Variants in LMBRD1 observed in about 807,000 individuals in gnomAD.
The protein encoded by LMBRD1 is LMBR1 domain containing 1, also known as lysosomal cobalamin transport escort protein LMBD1.
LMBRD1 carries 64 observed loss-of-function variants against 74.8 expected under a neutral mutation model. The ratio of observed to expected loss-of-function variants is 0.86; its 90% CI spans 0.70 to 1.05. The LOEUF is 1.05. Among genes scored for constraint, LMBRD1 ranks in the 50% least tolerant of loss-of-function variants. The probability of loss-of-function intolerance (pLI) is 0.00; values close to 1 mark genes in which losing one functional copy is unlikely to be tolerated. For synonymous variants in LMBRD1, 204 were observed against 216.3 expected (o/e 0.94, Z 0.50); for missense variants, 652 against 645.9 (o/e 1.01, Z -0.10).
chr6:69,784,521 G>A (rs917145290), intron 2 of LMBRD1, among the ~76,000 whole-genome samples: 5 of 152,160 alleles, frequency 3.3e-5, no homozygotes, highest in African/African-American at 1.2e-4. Flanking sequence ...GTATACTACA[G>A]GAATCTAGGA....
At chr6:69,784,062 C>T (rs1765893705) in intron 2 of LMBRD1, among the ~76,000 whole-genome samples, 1 of 152,184 alleles carries the variant, frequency 6.6e-6, no homozygotes, top group Non-Finnish European at 1.5e-5. Flanking sequence ...TTGGCTTTTA[C>T]ATACTCTCTT....
intron 14 of LMBRD1, among the ~76,000 whole-genome samples, chr6:69,684,013 T>C (rs1193596968): frequency 6.6e-6 from 1 of 151,990 alleles, no homozygotes; most frequent in Non-Finnish European, 1.5e-5. Context: ...TAAATGTGAA[T>C]GGATCATCAA....
At chr6:69,749,886 A>G (rs1003383820) in intron 4 of LMBRD1, among the ~76,000 whole-genome samples, 10 of 133,400 alleles carry the variant, frequency 7.5e-5, no homozygotes, top group Non-Finnish European at 1.4e-4. Context: ...ATATACACAT[A>G]TACATACTCA....
intron 5 of LMBRD1, among the ~76,000 whole-genome samples, chr6:69,748,398 A>T (rs984921105): frequency 1.3e-5 from 2 of 152,090 alleles, no homozygotes; most frequent in African/African-American, 2.4e-5. Context: ...AAAAACCACT[A>T]AAAAAAGTGC....
intron 14 of LMBRD1, among the ~76,000 whole-genome samples, chr6:69,690,678 C>G (rs753796074): frequency 1.3e-5 from 2 of 152,040 alleles, no homozygotes; most frequent in African/African-American, 2.4e-5. Flanking sequence ...GTAATGGATA[C>G]CACATTTGCC....
intron 1 of LMBRD1, among the ~76,000 whole-genome samples, chr6:69,795,724 C>T (rs1420086156): frequency 6.6e-6 from 1 of 152,182 alleles, no homozygotes; most frequent in Admixed American, 6.5e-5. Flanking sequence ...GTGTTTTTAT[C>T]TGTGACAGTG....
rs751282779 is a variant in LMBRD1 at position 69,741,858 on chromosome 6, C to G, written c.493G>C (p.Val165Leu). Residue 165 changes from valine to leucine, a missense_variant, in exon 6 of 16, where the codon GTT becomes CTT. Physicochemically the swap from Val to Leu is conservative, Grantham distance 32 (BLOSUM62 1). Coordinates refer to ENST00000649934, the MANE Select transcript of LMBRD1 (RefSeq NM_018368.4). ...LLVGAFVPLN[V>L]PNNKNSTEWE... is the part of the protein sequence containing the mutation. The stretch of plus-strand genomic sequence containing the variant: ...TCTGTAGAATTTTTGTTATTGGGAA[C>G]ATTCAATGGAACAAAGGCACTACAA... The G allele has an allele frequency of 2.5e-6, 4 of 1,599,690 alleles. No homozygotes were observed. Among genetic ancestry groups the G allele is most frequent in the Non-Finnish European group, 3.4e-6 (4 of 1,167,136 alleles).
At chr6:69,706,009 G>T in intron 9 of LMBRD1, 1 of 784,962 alleles carries the variant, frequency 1.3e-6, no homozygotes, top group Non-Finnish European at 2.2e-6. Flanking sequence ...TTTTCCATCA[G>T]CCCCTAAACT....
intron 1 of LMBRD1, among the ~76,000 whole-genome samples, chr6:69,792,950 C>T (rs984761718): frequency 2.0e-5 from 3 of 152,134 alleles, no homozygotes; most frequent in Admixed American, 2.0e-4. Context: ...GGTTTTAAAA[C>T]TGATAACCTT....
At chr6:69,736,128 A>G (rs1461669510) in intron 7 of LMBRD1, among the ~76,000 whole-genome samples, 1 of 152,092 alleles carries the variant, frequency 6.6e-6, no homozygotes, top group Non-Finnish European at 1.5e-5. Context: ...CCAATTGACC[A>G]CTGGGAGACA....
intron 6 of LMBRD1, 125 bp downstream of exon 6, chr6:69,741,664 C>T (rs747373342): frequency 6.7e-5 from 40 of 600,726 alleles, no homozygotes; most frequent in Non-Finnish European, 1.0e-4. Flanking sequence ...GCTAGGATTA[C>T]AGGCATGAGC....
intron 5 of LMBRD1, among the ~76,000 whole-genome samples, chr6:69,742,909 T>C (rs147439743): frequency 0.027 from 4,157 of 152,228 alleles, 82 homozygotes; most frequent in Non-Finnish European, 0.044. Flanking sequence ...CTATCTGCAT[T>C]GACTTCAGTT....
At chr6:69,749,492 C>A in intron 4 of LMBRD1, 84 bp from the exon 5 acceptor site, 1 of 1,013,954 alleles carries the variant, frequency 9.9e-7, no homozygotes, top group Non-Finnish European at 1.6e-6. Context: ...ACAGTACCTT[C>A]ACATCAGATA....
intron 1 of LMBRD1, chr6:69,790,674 T>G: frequency 3.4e-6 from 2 of 581,988 alleles, no homozygotes; most frequent in Non-Finnish European, 6.2e-6. Flanking sequence ...ACATCACGTA[T>G]GCATACACAC....
intron 1 of LMBRD1, among the ~76,000 whole-genome samples, chr6:69,793,228 T>TA (rs1582171481): frequency 6.6e-6 from 1 of 152,282 alleles, no homozygotes; most frequent in East Asian, 1.9e-4. Flanking sequence ...AGATTCAAAA[T>TA]AAATTGGTCT....
intron 7 of LMBRD1, among the ~76,000 whole-genome samples, chr6:69,730,747 G>C (rs778731952): frequency 2.6e-5 from 4 of 152,024 alleles, no homozygotes; most frequent in African/African-American, 9.7e-5. Context: ...AAGATGCATC[G>C]GTAGTAAAGA....
chr6:69,708,457 T>C (rs530426941), intron 9 of LMBRD1, among the ~76,000 whole-genome samples: 1 of 152,260 alleles, frequency 6.6e-6, no homozygotes, highest in South Asian at 2.1e-4. Context: ...ATAAAGTAAG[T>C]ATATAATTCC....
At chr6:69,677,212 T>C (rs1019279937) in intron 14 of LMBRD1, among the ~76,000 whole-genome samples, 1 of 152,172 alleles carries the variant, frequency 6.6e-6, no homozygotes, top group Non-Finnish European at 1.5e-5. Flanking sequence ...GGTAACAGAC[T>C]GAGCGGGGAA....
chr6:69,733,159 T>C (rs1305181533), intron 7 of LMBRD1, among the ~76,000 whole-genome samples: 1 of 152,094 alleles, frequency 6.6e-6, no homozygotes, highest in Non-Finnish European at 1.5e-5. Context: ...AAAAAAAAAT[T>C]CAGTTACAAA....
Sources: allele counts gnomAD v4.1 joint callset (sites outside exome capture counted in the v4.1 genomes callset), GRCh38; gene constraint gnomAD v4.1.1; transcripts MANE v1.5; gene names NCBI Gene and HGNC (gene_info 2026-07-23, HGNC 2026-07-21).